DUSP5: variants seen among roughly 807,000 people sequenced by gnomAD.
DUSP5 encodes dual specificity protein phosphatase 5.
Under a neutral mutation model 33.6 loss-of-function variants are expected in DUSP5, and 22 were observed. The observed-to-expected ratio is 0.66, with a 90% CI of 0.47 to 0.94. The LOEUF is 0.94. DUSP5 is among the 40% of genes least tolerant of loss of function. The probability of loss-of-function intolerance (pLI) is 0.00; values close to 1 mark genes in which losing one functional copy is unlikely to be tolerated. For missense variants in DUSP5, 551 were observed against 522.1 expected (o/e 1.06, Z -0.54); for synonymous variants, 270 against 231.1 (o/e 1.17, Z -1.53).
chr10:110,506,865 T>C, intron 2 of DUSP5, 70 bp from the exon 3 acceptor site: 1 of 1,503,290 alleles, frequency 6.7e-7, no homozygotes, highest in Non-Finnish European at 9.2e-7. Flanking sequence ...TAGGTCGGAG[T>C]TGTTTTTTCC....
In DUSP5 at chr10:110,508,063, G is replaced by A. The variant is rs552095487; in HGVS notation, c.748+909G>A. On this transcript the variant is annotated intron_variant, in intron 3 of 3. Transcript: ENST00000369583. ...GGATGTTGGAGGAGGAAAGGCAGGTGTTAGCACAGCAATAATTACTTAGTG... is the reference window on the plus strand; with the variant it reads ...GGATGTTGGAGGAGGAAAGGCAGGTATTAGCACAGCAATAATTACTTAGTG... Among the ~76,000 whole-genome samples, 10 of 152,362 alleles carry A rather than the reference G, an allele frequency of 6.6e-5. No homozygotes were observed. In the East Asian group the frequency reaches 1.9e-3, roughly 29 times the overall value.
chr10:110,502,953 C>T, intron 2 of DUSP5, 84 bp downstream of exon 2: 2 of 1,549,574 alleles, frequency 1.3e-6, no homozygotes, highest in Non-Finnish European at 1.8e-6. Flanking sequence ...TGACTGTTCT[C>T]TCCCCACTCA....
At position 110,498,619 on chromosome 10, in the gene DUSP5, C is replaced by T. The variant is rs566235403; in HGVS notation, c.379+119C>T. The T allele has an allele frequency of 1.2e-5, 15 of 1,279,474 alleles. No homozygotes were observed. The East Asian group carries it at 1.6e-4, about 13-fold the overall frequency. The allele number at this position is 1,279,474 out of a possible 1,614,324, so 79.3% of individuals were successfully genotyped here. A position where few individuals can be genotyped will look rare whatever the true frequency, so the allele number is the denominator to read the frequency against. On this transcript the variant is annotated intron_variant, in intron 1 of 3. Transcript: ENST00000369583. ...GAGTCACCACCTGCAGGAGTCTGCA[C>T]CCTGTGGCTTGTTGTGCGCTTGGGA...
rs145938576 is a variant in DUSP5, at chr10:110,509,114, A to T, written c.749-906A>T. Reference sequence around the variant, plus strand: ...ACTAGCAAGAGAGGGAATTGGAAAGACTGTATTTTTTGTGGATTTGATGTG... The same window carrying T: ...ACTAGCAAGAGAGGGAATTGGAAAGTCTGTATTTTTTGTGGATTTGATGTG... On this transcript the variant is annotated intron_variant, in intron 3 of 3. Coordinates refer to ENST00000369583, the MANE Select transcript of DUSP5 (RefSeq NM_004419.4). Among the ~76,000 whole-genome samples the T allele has an allele frequency of 9.4e-4, 143 of 152,210 alleles. 1 individual carries two copies. Among genetic ancestry groups the T allele is most frequent in the East Asian group, 4.2e-3 (22 of 5,186 alleles).
At chr10:110,499,690 A>G (rs1418468040) in intron 1 of DUSP5, among the ~76,000 whole-genome samples, 1 of 152,190 alleles carries the variant, frequency 6.6e-6, no homozygotes, top group Non-Finnish European at 1.5e-5. Flanking sequence ...GAGTTAACAG[A>G]GGTAGATGGT....
In DUSP5 at chr10:110,510,491, G is replaced by A; in HGVS notation, c.*65G>A. 6.8e-7 allele frequency: 1 copy of A among 1,469,474 alleles called. No individual in the cohort carries two copies. Among genetic ancestry groups the A allele is most frequent in the South Asian group, 1.4e-5 (1 of 71,706 alleles). The allele number at this position is 1,469,474 out of a possible 1,614,324, so 91.0% of individuals were successfully genotyped here. A position where few individuals can be genotyped will look rare whatever the true frequency, so the allele number is the denominator to read the frequency against. On this transcript the variant is annotated 3_prime_UTR_variant, in exon 4 of 4. Coordinates refer to ENST00000369583, the MANE Select transcript of DUSP5 (RefSeq NM_004419.4). Reference sequence around the variant, plus strand: ...GTGATTTTTGTTTTTAAGACTCATGGACATTTCATACCTGTGCAATACTGA... The same window carrying A: ...GTGATTTTTGTTTTTAAGACTCATGAACATTTCATACCTGTGCAATACTGA...
Position 110,498,227 on chromosome 10 carries a change from G to A in DUSP5, c.106G>A (p.Ala36Thr), listed in dbSNP as rs1375797212. 40 of 1,514,926 alleles carry A rather than the reference G, an allele frequency of 2.6e-5. No individual in the cohort carries two copies. Among genetic ancestry groups the A allele is most frequent in the African/African-American group, 7.2e-5 (5 of 69,180 alleles). The allele number at this position is 1,514,926 out of a possible 1,614,324, so 93.8% of individuals were successfully genotyped here. A position where few individuals can be genotyped will look rare whatever the true frequency, so the allele number is the denominator to read the frequency against. ...LDCRPYLAFA[A>T]SNVRGSLNVN... ...CTGCCGGCCCTATCTGGCCTTCGCT[G>A]CCTCGAACGTGCGCGGCTCGCTCAA... Residue 36 changes from alanine (A) to threonine (T), a missense_variant, in exon 1 of 4, where the codon GCC becomes ACC. Coordinates refer to ENST00000369583, the MANE Select transcript of DUSP5 (RefSeq NM_004419.4).
Position 110,510,810 on chromosome 10 carries a change from AT to A in DUSP5, c.*388del. 5.5e-6 allele frequency: 1 copy of A among 182,214 alleles called. No individual in the cohort carries two copies. Among genetic ancestry groups the A allele is most frequent in the East Asian group, 1.5e-4 (1 of 6,784 alleles). 11.3% of individuals were successfully genotyped at this position (182,214 alleles called of 1,614,324 possible). A position where few individuals can be genotyped will look rare whatever the true frequency, so the allele number is the denominator to read the frequency against. ...GAAAAGGCAGTTATGAAGCCAATTC[AT>A]TTTGAAGGAAGCACAATTTCCACCT... On this transcript the variant is annotated 3_prime_UTR_variant, in exon 4 of 4. Coordinates refer to ENST00000369583, the MANE Select transcript of DUSP5 (RefSeq NM_004419.4).
At chr10:110,506,718 C>T (rs915193237) in intron 2 of DUSP5, among the ~76,000 whole-genome samples, 1 of 152,170 alleles carries the variant, frequency 6.6e-6, no homozygotes, top group African/African-American at 2.4e-5. Context: ...GTGGATTTTG[C>T]TGTCATTGAG....
At chr10:110,507,499 G>T (rs1860133405) in intron 3 of DUSP5, among the ~76,000 whole-genome samples, 1 of 152,234 alleles carries the variant, frequency 6.6e-6, no homozygotes, top group Non-Finnish European at 1.5e-5. Context: ...CCCTAACTGT[G>T]CTTCTACGTA....
intron 2 of DUSP5, among the ~76,000 whole-genome samples, chr10:110,505,884 G>T (rs1280914585): frequency 6.6e-6 from 1 of 152,174 alleles, no homozygotes; most frequent in Non-Finnish European, 1.5e-5. Flanking sequence ...TGGGGTGTGG[G>T]TAGCCTCCCA....
Position 110,502,625 on chromosome 10 carries a change from G to C in DUSP5, c.380-96G>C, listed in dbSNP as rs956463017. 5 of 1,428,866 alleles carry C rather than the reference G, an allele frequency of 3.5e-6. No homozygotes were observed. In the African/African-American group the frequency reaches 4.3e-5, roughly 12 times the overall value. The allele number at this position is 1,428,866 out of a possible 1,614,324, so 88.5% of individuals were successfully genotyped here. A position where few individuals can be genotyped will look rare whatever the true frequency, so the allele number is the denominator to read the frequency against. Reference sequence around the variant, plus strand: ...TACTGGCTTATTTTTTTTCTTAACTGTGTAACACTCAGAGTATTGATTAAC... The same window carrying C: ...TACTGGCTTATTTTTTTTCTTAACTCTGTAACACTCAGAGTATTGATTAAC... On this transcript the variant is annotated intron_variant, in intron 1 of 3. Coordinates refer to ENST00000369583, the MANE Select transcript of DUSP5 (RefSeq NM_004419.4).
In DUSP5 at chr10:110,507,022, A is replaced by G. The variant is rs1860126752; in HGVS notation, c.616A>G (p.Thr206Ala). The G allele has an allele frequency of 6.2e-7, 1 of 1,614,226 alleles. No individual in the cohort carries two copies. Among genetic ancestry groups the G allele is most frequent in the Non-Finnish European group, 8.5e-7 (1 of 1,180,034 alleles). Residue 206 changes from threonine (T) to alanine (A), a missense_variant, in exon 3 of 4, where the codon ACA becomes GCA. Thr to Ala is a moderately conservative substitution (Grantham distance 58, BLOSUM62 0). Coordinates refer to ENST00000369583, the MANE Select transcript of DUSP5 (RefSeq NM_004419.4). Reference protein sequence around the residue: ...KCEFLANLHITALLNVSRRTS... With the variant: ...KCEFLANLHIAALLNVSRRTS... ...CGAGTTCCTCGCCAACCTGCACATC[A>G]CAGCCCTGCTGAATGTCTCCCGACG...
At chr10:110,507,768 C>T (rs1018633308) in intron 3 of DUSP5, among the ~76,000 whole-genome samples, 13 of 152,224 alleles carry the variant, frequency 8.5e-5, no homozygotes, top group African/African-American at 2.4e-4. Context: ...ACCTGAAAAC[C>T]GAGGCCTTGG....
chr10:110,502,625 G>GTGTAACACTCAGAGTAT, intron 1 of DUSP5, 96 bp from the exon 2 acceptor site: 1 of 1,428,984 alleles, frequency 7.0e-7, no homozygotes, highest in Non-Finnish European at 9.5e-7. Context: ...TTTCTTAACT[G>GTGTAACACTCAGAGTAT]TGTAACACTC....
chr10:110,505,710 T>C (rs958044981), intron 2 of DUSP5, among the ~76,000 whole-genome samples: 5 of 152,192 alleles, frequency 3.3e-5, no homozygotes, highest in Non-Finnish European at 7.4e-5. Context: ...CCCAGCCCCT[T>C]GTTTCCCTCT....
intron 3 of DUSP5, among the ~76,000 whole-genome samples, chr10:110,508,009 C>T (rs746796391): frequency 2.7e-4 from 41 of 152,340 alleles, no homozygotes; most frequent in South Asian, 6.2e-4. Flanking sequence ...TTGAAACTGA[C>T]GCGTGATTTT....
chr10:110,509,848 C>T (rs2134665174), intron 3 of DUSP5, among the ~76,000 whole-genome samples, 172 bp from the exon 4 acceptor site: 1 of 152,308 alleles, frequency 6.6e-6, no homozygotes, highest in East Asian at 1.9e-4. Context: ...CCCAAAAGCT[C>T]TATCCTCACC....
chr10:110,501,640 G>T (rs1474842757), intron 1 of DUSP5, among the ~76,000 whole-genome samples: 2 of 152,190 alleles, frequency 1.3e-5, no homozygotes, highest in Non-Finnish European at 2.9e-5. Flanking sequence ...TTGACTCCAA[G>T]TGAATTCTCT....
Sources: gnomAD v4.1 joint callset for allele counts (sites outside exome capture counted in the v4.1 genomes callset) on GRCh38, gnomAD v4.1.1 for gene constraint, MANE v1.5 for transcripts, NCBI Gene and HGNC (gene_info 2026-07-23, HGNC 2026-07-21) for gene names.